The following SFT2D2 variants were observed in gnomAD, a reference collection of about 807,000 sequenced individuals.
The protein encoded by SFT2D2 is SFT2 domain containing 2.
Under a neutral mutation model 27.4 loss-of-function variants are expected in SFT2D2, and 21 were observed. The observed-to-expected ratio is 0.77, with a 90% CI of 0.54 to 1.10. The LOEUF (loss-of-function observed/expected upper bound fraction) is 1.10. Ranked by LOEUF, SFT2D2 falls within the 50% of genes least tolerant of loss-of-function variation. The pLI is 0.00. For synonymous variants in SFT2D2, 72 were observed against 71.7 expected (o/e 1.00, Z -0.02); for missense variants, 187 against 194.2 (o/e 0.96, Z 0.22).
intron 7 of SFT2D2, among the ~76,000 whole-genome samples, chr1:168,240,132 G>A (rs186154866): frequency 0.014 from 2,054 of 145,336 alleles, 51 homozygotes; most frequent in African/African-American, 0.051. Context: ...TCGAGATGGC[G>A]CCACTGCACT....
At position 168,249,773 on chromosome 1, in the gene SFT2D2, A is replaced by G. The variant is rs1647908850; in HGVS notation, c.*7233A>G. The G allele has an allele frequency of 6.6e-6, 1 of 152,412 alleles. No individual in the cohort carries two copies. The highest frequency in any genetic ancestry group is 2.4e-5 in the African/African-American group (1 of 41,446). The allele number at this position is 152,412 out of a possible 1,614,324, so 9.4% of individuals were successfully genotyped here. A position where few individuals can be genotyped will look rare whatever the true frequency, so the allele number is the denominator to read the frequency against. On this transcript the variant is annotated 3_prime_UTR_variant, in exon 8 of 8. Coordinates refer to ENST00000271375, the MANE Select transcript of SFT2D2 (RefSeq NM_199344.3). The stretch of plus-strand genomic sequence containing the variant: ...TGGGAATAACAGTTCCTGCTGGGTC[A>G]TTGCAAGATGTCAGTGAGACGTGTC...
In SFT2D2 at chr1:168,247,867, A is replaced by G. The variant is rs1258881451; in HGVS notation, c.*5327A>G. On this transcript the variant is annotated 3_prime_UTR_variant, in exon 8 of 8. Transcript: ENST00000271375. ...ACCATGCCACTTTTTAATGATTGCC[A>G]TTCTAACTGGCATGAGATGGCATCT... is the stretch of plus-strand genomic sequence containing the variant. The G allele has an allele frequency of 1.3e-5, 2 of 152,214 alleles. No homozygotes were observed. The highest frequency in any genetic ancestry group is 1.9e-4 in the East Asian group (1 of 5,194). The allele number at this position is 152,214 out of a possible 1,614,324, so 9.4% of individuals were successfully genotyped here.
In SFT2D2 at chr1:168,246,513, A is replaced by G. The variant is rs1437899503; in HGVS notation, c.*3973A>G. 4 of 1,476,282 alleles carry G rather than the reference A, an allele frequency of 2.7e-6. No homozygotes were observed. Among genetic ancestry groups the G allele is most frequent in the Admixed American group, 1.8e-5 (1 of 54,166 alleles). The allele number at this position is 1,476,282 out of a possible 1,614,324, so 91.4% of individuals were successfully genotyped here. A position where few individuals can be genotyped will look rare whatever the true frequency, so the allele number is the denominator to read the frequency against. On this transcript the variant is annotated 3_prime_UTR_variant, in exon 8 of 8. Coordinates refer to ENST00000271375, the MANE Select transcript of SFT2D2 (RefSeq NM_199344.3). ...GAGCCTCTCTTGTGTTATGGAGCTC[A>G]GTTTTGAGGCACCTGGACTTACTCT...
At chr1:168,233,326 T>C (rs1279780959) in intron 3 of SFT2D2, among the ~76,000 whole-genome samples, 1 of 152,158 alleles carries the variant, frequency 6.6e-6, no homozygotes, top group African/African-American at 2.4e-5. Flanking sequence ...CCTCCTCCTC[T>C]CCAGAATTGA....
At chr1:168,236,868 A>G (rs1486260571) in intron 6 of SFT2D2, 98 bp downstream of exon 6, 7 of 1,358,292 alleles carry the variant, frequency 5.2e-6, no homozygotes, top group Non-Finnish European at 7.2e-6. Context: ...GAATTAAGAA[A>G]ACACAGAAGC....
At position 168,249,486 on chromosome 1, in the gene SFT2D2, T is replaced by G. The variant is rs1647903270; in HGVS notation, c.*6946T>G. 6.5e-6 allele frequency: 1 copy of G among 152,740 alleles called. No homozygotes were observed. The highest frequency in any genetic ancestry group is 1.9e-4 in the East Asian group (1 of 5,202). 9.5% of individuals were successfully genotyped at this position (152,740 alleles called of 1,614,324 possible). ...CCTGACCTCAAGTGATCCTCCTGCC[T>G]CGGCCTCCCAAAGTGCTGGGATTAC... On this transcript the variant is annotated 3_prime_UTR_variant, in exon 8 of 8. Transcript: ENST00000271375.
chr1:168,232,166 G>A (rs570903762), intron 3 of SFT2D2, among the ~76,000 whole-genome samples: 2 of 152,300 alleles, frequency 1.3e-5, no homozygotes, highest in South Asian at 4.1e-4. Context: ...GCGACACAAA[G>A]CAGTTCAGTG....
Position 168,242,562 on chromosome 1 carries a change from C to T in SFT2D2, c.*22C>T. On this transcript the variant is annotated 3_prime_UTR_variant, in exon 8 of 8. Coordinates refer to ENST00000271375, the MANE Select transcript of SFT2D2 (RefSeq NM_199344.3). ...ATAATTCATGGCCAGTTTTATGAAG[C>T]TTTGGAAGGCACTATGGACAGAAGC... The T allele has an allele frequency of 6.2e-7, 1 of 1,614,052 alleles. No homozygotes were observed. Among genetic ancestry groups the T allele is most frequent in the Non-Finnish European group, 8.5e-7 (1 of 1,179,946 alleles).
rs955983977 is a variant in SFT2D2 at position 168,252,514 on chromosome 1, A to T, written c.*9974A>T. 5.3e-5 allele frequency: 8 copies of T among 152,154 alleles called. No individual in the cohort carries two copies. The highest frequency in any genetic ancestry group is 1.9e-4 in the African/African-American group (8 of 41,424). 9.4% of individuals were successfully genotyped at this position (152,154 alleles called of 1,614,324 possible). ...CTCCCAAGGGAGAGCTATGGTTTAC[A>T]TTCAATTTTTTGGTCTTTCTGCTAT... is the stretch of plus-strand genomic sequence containing the variant. On this transcript the variant is annotated 3_prime_UTR_variant, in exon 8 of 8. Transcript: ENST00000271375.
At chr1:168,239,602 A>C (rs1647592093) in intron 7 of SFT2D2, among the ~76,000 whole-genome samples, 1 of 151,988 alleles carries the variant, frequency 6.6e-6, no homozygotes, top group Non-Finnish European at 1.5e-5. Context: ...AAGCAGTACC[A>C]GGGCTTCCTA....
chr1:168,238,823 T>TTA (rs1373875982), intron 6 of SFT2D2, among the ~76,000 whole-genome samples: 1 of 152,164 alleles, frequency 6.6e-6, no homozygotes, highest in Non-Finnish European at 1.5e-5. Context: ...CTGTTTAAGG[T>TTA]GATTGTTGCT....
intron 6 of SFT2D2, among the ~76,000 whole-genome samples, chr1:168,238,697 C>CA (rs3215449): frequency 0.019 from 2,681 of 140,526 alleles, 58 homozygotes; most frequent in African/African-American, 0.058. Flanking sequence ...GACCCTGTCT[C>CA]AAAAAAAAAA....
chr1:168,235,685 G>A (rs1438563630), intron 4 of SFT2D2, among the ~76,000 whole-genome samples: 1 of 152,128 alleles, frequency 6.6e-6, no homozygotes, highest in Non-Finnish European at 1.5e-5. Flanking sequence ...CTTGTACCCT[G>A]CTCTGACAAC....
Position 168,247,165 on chromosome 1 carries a change from A to T in SFT2D2, c.*4625A>T. 7.4e-6 allele frequency: 2 copies of T among 271,010 alleles called. No homozygotes were observed. The highest frequency in any genetic ancestry group is 1.5e-5 in the Non-Finnish European group (2 of 131,966). 16.8% of individuals were successfully genotyped at this position (271,010 alleles called of 1,614,324 possible). ...CACTCAGTGATTATCTTTAAGTTCC[A>T]CTGATCTTTTACATAAATAAACTGC... On this transcript the variant is annotated 3_prime_UTR_variant, in exon 8 of 8. Transcript: ENST00000271375.
Position 168,242,796 on chromosome 1 carries a change from C to G in SFT2D2, c.*256C>G. On this transcript the variant is annotated 3_prime_UTR_variant, in exon 8 of 8. Transcript: ENST00000271375. Reference sequence around the variant, plus strand: ...AATCTTCCTCATGTACCTGTTTCCTCTCTGGATGTTGTCCCACTGAATTCC... The same window carrying G: ...AATCTTCCTCATGTACCTGTTTCCTGTCTGGATGTTGTCCCACTGAATTCC... 2.0e-6 allele frequency: 1 copy of G among 498,898 alleles called. No homozygotes were observed. The allele number at this position is 498,898 out of a possible 1,614,324, so 30.9% of individuals were successfully genotyped here.
intron 3 of SFT2D2, among the ~76,000 whole-genome samples, 167 bp downstream of exon 3, chr1:168,232,086 A>T (rs943019509): frequency 6.6e-6 from 1 of 152,182 alleles, no homozygotes. Context: ...AACATTTTAT[A>T]TCTTAGTTTG....
Position 168,239,139 on chromosome 1 carries a change from T to A in SFT2D2, c.422T>A (p.Leu141His). 1 of 1,607,448 alleles carries A rather than the reference T, an allele frequency of 6.2e-7. No homozygotes were observed. The highest frequency in any genetic ancestry group is 8.5e-7 in the Non-Finnish European group (1 of 1,173,922). ...LQSLALTWYS[L>H]SFIPFARDAV... ...TTTGTTTTTCATTATAGGTACAGCCTTTCCTTCATACCATTTGCAAGGTAA... is the reference window on the plus strand; with the variant it reads ...TTTGTTTTTCATTATAGGTACAGCCATTCCTTCATACCATTTGCAAGGTAA... Residue 141 changes from leucine (L) to histidine (H), a missense_variant, in exon 7 of 8, where the codon CTT (leucine) becomes CAT (histidine). Physicochemically the swap from Leu to His is moderately conservative, Grantham distance 99 (BLOSUM62 -3). Coordinates refer to ENST00000271375, the MANE Select transcript of SFT2D2 (RefSeq NM_199344.3).
rs982926438 is a variant in SFT2D2, at chr1:168,251,477, T to A, written c.*8937T>A. ...AGACTTAGTGGAATGAATTGGGAAA[T>A]TGAAGGGCAGCCCAGTGGCTATGGA... is the stretch of plus-strand genomic sequence containing the variant. On this transcript the variant is annotated 3_prime_UTR_variant, in exon 8 of 8. Coordinates refer to ENST00000271375, the MANE Select transcript of SFT2D2 (RefSeq NM_199344.3). 3 of 152,274 alleles carry A rather than the reference T, an allele frequency of 2.0e-5. No individual in the cohort carries two copies. Among genetic ancestry groups the A allele is most frequent in the Admixed American group, 2.0e-4 (3 of 15,280 alleles). The allele number at this position is 152,274 out of a possible 1,614,324, so 9.4% of individuals were successfully genotyped here.
intron 3 of SFT2D2, among the ~76,000 whole-genome samples, chr1:168,233,333 T>C (rs547101732): frequency 7.2e-5 from 11 of 152,322 alleles, no homozygotes; most frequent in Middle Eastern, 3.4e-3. Flanking sequence ...CTCTCCAGAA[T>C]TGATGACCTC....
Sources: gnomAD v4.1 joint callset for allele counts (sites outside exome capture counted in the v4.1 genomes callset) on GRCh38, gnomAD v4.1.1 for gene constraint, MANE v1.5 for transcripts, NCBI Gene and HGNC (gene_info 2026-07-23, HGNC 2026-07-21) for gene names.